MCM6: variants seen among roughly 807,000 people sequenced by gnomAD.
MCM6 encodes minichromosome maintenance complex component 6.
A neutral mutation model predicts 94.3 loss-of-function variants in MCM6; 46 were observed. The observed-to-expected ratio is 0.49, with a 90% CI of 0.39 to 0.62. The LOEUF is 0.62. Ranked by LOEUF, MCM6 falls within the 20% of genes least tolerant of loss-of-function variation. MCM6 has a pLI of 0.00. For missense variants in MCM6, 865 were observed against 1,017.9 expected (o/e 0.85, Z 2.04); for synonymous variants, 335 against 351.9 (o/e 0.95, Z 0.54).
intron 2 of MCM6, among the ~76,000 whole-genome samples, 189 bp from the exon 3 acceptor site, chr2:135,870,550 C>T (rs1359049001): frequency 2.0e-5 from 3 of 152,138 alleles, no homozygotes; most frequent in African/African-American, 7.2e-5. Flanking sequence ...CCTATCCCAC[C>T]GGAACACTAA....
chr2:135,846,922 TGAACCCGG>T (rs943765986), intron 14 of MCM6, among the ~76,000 whole-genome samples: 3 of 151,750 alleles, frequency 2.0e-5, no homozygotes, highest in African/African-American at 7.3e-5. Context: ...GAGAATTGCT[TGAACCCGG>T]GAGGCAAAGG....
chr2:135,856,997 T>G, intron 10 of MCM6, 114 bp from the exon 11 acceptor site: 3 of 878,796 alleles, frequency 3.4e-6, no homozygotes, highest in Non-Finnish European at 5.1e-6. Flanking sequence ...AATAATGACA[T>G]ACCCTTTTTC....
chr2:135,874,615 G>A (rs978204081), intron 1 of MCM6, among the ~76,000 whole-genome samples: 2 of 152,202 alleles, frequency 1.3e-5, no homozygotes, highest in African/African-American at 4.8e-5. Context: ...TATATATACA[G>A]GTTGAGCAGC....
At chr2:135,866,812 C>A in intron 4 of MCM6, 84 bp from the exon 5 acceptor site, 1 of 1,157,482 alleles carries the variant, frequency 8.6e-7, no homozygotes. Flanking sequence ...ACCACAAATA[C>A]GGACGTATTC....
chr2:135,860,859 T>C (rs189122613), intron 8 of MCM6, among the ~76,000 whole-genome samples: 262 of 152,264 alleles, frequency 1.7e-3, no homozygotes, highest in Middle Eastern at 6.8e-3. Flanking sequence ...TATTCAACAT[T>C]ATACTGATGG....
rs762691120 is a variant in MCM6, at chr2:135,870,297, C to T, written c.319G>A (p.Ala107Thr). 1 of 1,613,834 alleles carries T rather than the reference C, an allele frequency of 6.2e-7. No homozygotes were observed. Among genetic ancestry groups the T allele is most frequent in the African/African-American group, 1.3e-5 (1 of 75,004 alleles). The change falls in exon 3 of 17, where the codon GCC (alanine) becomes ACC (threonine). Residue 107 changes from alanine (A) to threonine (T), a missense_variant. Physicochemically the swap from Ala to Thr is moderately conservative, Grantham distance 58 (BLOSUM62 0). Coordinates refer to ENST00000264156, the MANE Select transcript of MCM6 (RefSeq NM_005915.6). Reference protein sequence around the residue: ...FVKDRKEIPLAKDFYVAFQDL... With the variant: ...FVKDRKEIPLTKDFYVAFQDL... ...TGGAATGCAACATAAAAATCCTTGGCAAGAGGGATCTCTTTACGGTCTTTG... is the reference window on the plus strand; with the variant it reads ...TGGAATGCAACATAAAAATCCTTGGTAAGAGGGATCTCTTTACGGTCTTTG...
chr2:135,844,190 T>G (rs749216497), intron 16 of MCM6, among the ~76,000 whole-genome samples: 5 of 151,322 alleles, frequency 3.3e-5, no homozygotes, highest in African/African-American at 1.2e-4. Flanking sequence ...AGATTGACTA[T>G]TGGGTTGGGT....
intron 11 of MCM6, 74 bp downstream of exon 11, chr2:135,856,654 G>T: frequency 8.1e-6 from 12 of 1,480,482 alleles, no homozygotes; most frequent in Non-Finnish European, 1.1e-5. Context: ...ACCAGCTGTT[G>T]AGCAGTGTAT....
At chr2:135,856,570 T>G (rs1679895928) in intron 11 of MCM6, among the ~76,000 whole-genome samples, 158 bp downstream of exon 11, 2 of 152,238 alleles carry the variant, frequency 1.3e-5, no homozygotes, top group Admixed American at 6.5e-5. Flanking sequence ...GACTTTATTT[T>G]GAGTTGCTTA....
intron 10 of MCM6, among the ~76,000 whole-genome samples, chr2:135,857,327 A>C (rs1161933976): frequency 6.6e-6 from 1 of 152,240 alleles, no homozygotes; most frequent in African/African-American, 2.4e-5. Flanking sequence ...TGTCAGTATT[A>C]TGCTTATGTA....
In MCM6 at chr2:135,848,140, T is replaced by C. The variant is rs373818867; in HGVS notation, c.1966A>G (p.Ile656Val). ...ACATCAGGTGTTTCCACACGGATGA[T>C]TGATTTATTCAGTAACCGGAAAGCT... ...KEAFRLLNKS[I>V]IRVETPDVNL... is the part of the protein sequence containing the mutation. Residue 656 changes from isoleucine to valine, a missense_variant, in exon 14 of 17, where the codon ATC becomes GTC. By Grantham distance (29) the Ile-to-Val change is conservative. Transcript: ENST00000264156. The C allele has an allele frequency of 1.5e-4, 247 of 1,611,720 alleles. No individual in the cohort carries two copies. The highest frequency in any genetic ancestry group is 1.9e-4 in the African/African-American group (14 of 74,904).
intron 11 of MCM6, 83 bp downstream of exon 11, chr2:135,856,642 GCAC>G: frequency 7.2e-7 from 1 of 1,387,566 alleles, no homozygotes; most frequent in Non-Finnish European, 9.9e-7. Flanking sequence ...GCACATACAT[GCAC>G]CAGCTGTTGA....
Position 135,840,729 on chromosome 2 carries a change from C to T in MCM6, c.*106G>A. On this transcript the variant is annotated 3_prime_UTR_variant, in exon 17 of 17. Coordinates refer to ENST00000264156, the MANE Select transcript of MCM6 (RefSeq NM_005915.6). The stretch of plus-strand genomic sequence containing the variant: ...TGTTTCTGAAAACAAATCCTGGAAG[C>T]ATCACTTCCAGAAACACTTCTGTCC... The T allele has an allele frequency of 2.8e-6, 2 of 719,902 alleles. No homozygotes were observed. Among genetic ancestry groups the T allele is most frequent in the East Asian group, 2.5e-5 (1 of 39,744 alleles). The allele number at this position is 719,902 out of a possible 1,614,324, so 44.6% of individuals were successfully genotyped here.
chr2:135,872,590 G>A lies in MCM6; in HGVS notation c.254+107C>T, dbSNP rs188453600. 2.9e-4 allele frequency: 343 copies of A among 1,200,416 alleles called. 1 individual carries two copies. The highest frequency in any genetic ancestry group is 5.9e-4 in the Admixed American group (27 of 46,018). 74.4% of individuals were successfully genotyped at this position (1,200,416 alleles called of 1,614,324 possible). ...CGCCTCTTCTCAGTGGGAAATAACT[G>A]TGAAAGCTGACCTTCTGCTACACAA... On this transcript the variant is annotated intron_variant, in intron 2 of 16. Coordinates refer to ENST00000264156, the MANE Select transcript of MCM6 (RefSeq NM_005915.6).
Position 135,876,298 on chromosome 2 carries a change from G to C in MCM6, c.68C>G (p.Ala23Gly). 1 of 1,611,252 alleles carries C rather than the reference G, an allele frequency of 6.2e-7. No individual in the cohort carries two copies. The highest frequency in any genetic ancestry group is 2.2e-5 in the East Asian group (1 of 44,732). Residue 23 changes from alanine to glycine, a missense_variant, in exon 1 of 17, where the codon GCC (alanine) becomes GGC (glycine). Physicochemically the swap from Ala to Gly is moderately conservative, Grantham distance 60 (BLOSUM62 0). Transcript: ENST00000264156. ...CAGGAACAGTTTCTGGCACTTCTCGGCCACCTCGTCGCGGACCTCCAGGTG... is the reference window on the plus strand; with the variant it reads ...CAGGAACAGTTTCTGGCACTTCTCGCCCACCTCGTCGCGGACCTCCAGGTG... ...SQHLEVRDEV[A>G]EKCQKLFLDF...
chr2:135,853,348 G>A (rs1377230031), intron 11 of MCM6, among the ~76,000 whole-genome samples: 1 of 152,158 alleles, frequency 6.6e-6, no homozygotes, highest in Non-Finnish European at 1.5e-5. Flanking sequence ...GGTGGCTGAG[G>A]CAGGAGGATC....
At chr2:135,852,965 C>T (rs1181764527) in intron 11 of MCM6, 50 bp from the exon 12 acceptor site, 2 of 1,497,634 alleles carry the variant, frequency 1.3e-6, no homozygotes, top group Non-Finnish European at 1.8e-6. Flanking sequence ...ATATCTTCTC[C>T]AGACTATCCC....
chr2:135,857,488 CTTAAAA>C (rs1462430339), intron 10 of MCM6, among the ~76,000 whole-genome samples: 5 of 152,034 alleles, frequency 3.3e-5, no homozygotes, highest in Non-Finnish European at 7.4e-5. Context: ...TTGTGTACTG[CTTAAAA>C]GCTACTTGAA....
chr2:135,861,531 A>G (rs1024244135), intron 8 of MCM6, among the ~76,000 whole-genome samples: 1 of 152,246 alleles, frequency 6.6e-6, no homozygotes, highest in African/African-American at 2.4e-5. Context: ...AGCTTCTAAA[A>G]ACAGTCAAAA....
Sources: gnomAD v4.1 joint callset for allele counts (sites outside exome capture counted in the v4.1 genomes callset) on GRCh38, gnomAD v4.1.1 for gene constraint, MANE v1.5 for transcripts, NCBI Gene and HGNC (gene_info 2026-07-23, HGNC 2026-07-21) for gene names.